Variants in CAST observed in about 807,000 individuals in gnomAD.
CAST encodes calpastatin.
In CAST, 76 loss-of-function variants were observed where a neutral mutation model predicts 119.6. The ratio of observed to expected loss-of-function variants is 0.64; its 90% CI spans 0.53 to 0.77. The LOEUF (loss-of-function observed/expected upper bound fraction) is 0.77. CAST is among the 30% of genes least tolerant of loss of function. The pLI is 0.00. For missense variants in CAST, 953 were observed against 946.5 expected, an observed-to-expected ratio of 1.01 and a Z score of -0.09; for synonymous variants, 319 against 331.6, an observed-to-expected ratio of 0.96 and a Z score of 0.41.
chr5:96,690,318 A>G (rs1190040683), intron 2 of CAST, among the ~76,000 whole-genome samples: 2 of 151,874 alleles, frequency 1.3e-5, no homozygotes, highest in Non-Finnish European at 2.9e-5. Flanking sequence ...TGCAACCTCC[A>G]TCTCCCAGGT....
the CAST span, among the ~76,000 whole-genome samples, chr5:96,257,945 A>G: frequency 1.3e-5 from 2 of 152,222 alleles, no homozygotes; most frequent in African/African-American, 4.8e-5. Context: ...ATGCAAAGGA[A>G]GTGGTTAACA....
chr5:96,186,487 T>C, the CAST span, among the ~76,000 whole-genome samples: 1 of 152,218 alleles, frequency 6.6e-6, no homozygotes, highest in South Asian at 2.1e-4. Context: ...TGTGGGTTTG[T>C]CGTATATGAC....
At chr5:96,082,667 A>G in the CAST span, among the ~76,000 whole-genome samples, 4 of 152,172 alleles carry the variant, frequency 2.6e-5, no homozygotes, top group Non-Finnish European at 5.9e-5. Flanking sequence ...ATTTTTTTTA[A>G]AGTACCTAGT....
the CAST span, among the ~76,000 whole-genome samples, chr5:96,054,846 A>G: frequency 6.6e-6 from 1 of 152,164 alleles, no homozygotes; most frequent in Admixed American, 6.5e-5. Flanking sequence ...CTGGAGGTAG[A>G]AGGCCTGGTG....
chr5:96,731,449 T>G (rs1284312144), intron 9 of CAST, among the ~76,000 whole-genome samples: 3 of 151,624 alleles, frequency 2.0e-5, no homozygotes, highest in Non-Finnish European at 4.4e-5. Flanking sequence ...ATATAGAATT[T>G]TTTTTTTTAC....
At chr5:96,025,258 G>C in the CAST span, among the ~76,000 whole-genome samples, 5 of 152,018 alleles carry the variant, frequency 3.3e-5, no homozygotes, top group Admixed American at 1.3e-4. Context: ...TCCTATTTCT[G>C]GTTTCTATGA....
chr5:96,408,322 G>T, the CAST span: 2 of 1,612,294 alleles, frequency 1.2e-6, no homozygotes, highest in African/African-American at 2.7e-5. Context: ...GTCAGCGCTC[G>T]TCTGGATGAC....
chr5:95,997,987 T>TG, the CAST span, among the ~76,000 whole-genome samples: 15 of 143,178 alleles, frequency 1.0e-4, no homozygotes, highest in South Asian at 2.2e-4. Flanking sequence ...TTTTTTTTTT[T>TG]CCTTTGCGGG....
At chr5:96,085,129 A>G in the CAST span, among the ~76,000 whole-genome samples, 1 of 152,222 alleles carries the variant, frequency 6.6e-6, no homozygotes, top group Non-Finnish European at 1.5e-5. Context: ...ATTCTAACAC[A>G]GTCTGATTGA....
At chr5:96,760,519 T>C (rs1303964288) in intron 24 of CAST, among the ~76,000 whole-genome samples, 1 of 151,956 alleles carries the variant, frequency 6.6e-6, no homozygotes, top group East Asian at 1.9e-4. Flanking sequence ...TCATTTCTGC[T>C]TATTATCACA....
chr5:96,617,013 G>C (rs1747471439), intron 1 of CAST, among the ~76,000 whole-genome samples: 1 of 152,112 alleles, frequency 6.6e-6, no homozygotes. Flanking sequence ...TTATGGCTCT[G>C]TCTTAATCCG....
Position 96,750,633 on chromosome 5 carries a change from G to A in CAST, c.1475G>A (p.Arg492Gln), listed in dbSNP as rs943932596. 9 of 1,613,102 alleles carry A rather than the reference G, an allele frequency of 5.6e-6. No individual in the cohort carries two copies. The highest frequency in any genetic ancestry group is 2.2e-5 in the East Asian group (1 of 44,872). Residue 492 changes from arginine (R) to glutamine (Q), a missense_variant, in exon 20 of 32, where the codon CGG (arginine) becomes CAG (glutamine). Coordinates refer to ENST00000675179, the MANE Select transcript of CAST (RefSeq NM_001750.7). ...GCTCCTGTGTCGGAGGCTGTGTGTC[G>A]GACCTCCATGTGTAGTATACAGTCA... is the stretch of plus-strand genomic sequence containing the variant. ...APAPVSEAVCRTSMCSIQSAP... is the reference protein window; with the variant it reads ...APAPVSEAVCQTSMCSIQSAP...
chr5:96,357,439 G>C, the CAST span, among the ~76,000 whole-genome samples: 1 of 152,168 alleles, frequency 6.6e-6, no homozygotes, highest in Non-Finnish European at 1.5e-5. Flanking sequence ...TCCAGGTTTT[G>C]CCCATTCAGT....
chr5:96,414,465 A>G, the CAST span, among the ~76,000 whole-genome samples: 2 of 152,242 alleles, frequency 1.3e-5, no homozygotes, highest in African/African-American at 4.8e-5. Context: ...CTACAAATCT[A>G]GCCCCTAAAT....
chr5:96,103,646 T>A, the CAST span, among the ~76,000 whole-genome samples: 1 of 152,102 alleles, frequency 6.6e-6, no homozygotes, highest in South Asian at 2.1e-4. Flanking sequence ...TTGTGAATAA[T>A]GCCACAATAA....
At chr5:96,659,019 T>C (rs1159605345), upstream of CAST, among the ~76,000 whole-genome samples, 4 of 152,238 alleles carry the variant, frequency 2.6e-5, no homozygotes, top group African/African-American at 9.6e-5. Context: ...TATATTTATA[T>C]GCAAATCGAT....
chr5:96,721,775 G>A (rs1340374896), intron 3 of CAST, among the ~76,000 whole-genome samples: 1 of 152,140 alleles, frequency 6.6e-6, no homozygotes, highest in Non-Finnish European at 1.5e-5. Context: ...TACTAGAATA[G>A]TACTCCAAAC....
the CAST span, among the ~76,000 whole-genome samples, chr5:96,360,880 C>G: frequency 6.6e-6 from 1 of 152,230 alleles, no homozygotes; most frequent in Admixed American, 6.5e-5. Context: ...ATCCACTGCT[C>G]TCTTCAGAGT....
At chr5:96,367,288 G>A in the CAST span, among the ~76,000 whole-genome samples, 2 of 152,082 alleles carry the variant, frequency 1.3e-5, no homozygotes, top group African/African-American at 4.8e-5. Context: ...CACTTGAGGG[G>A]GCAGTCTGTC....
Sources: gnomAD v4.1 joint callset for allele counts (sites outside exome capture counted in the v4.1 genomes callset) on GRCh38, gnomAD v4.1.1 for gene constraint, MANE v1.5 for transcripts, NCBI Gene and HGNC (gene_info 2026-07-23, HGNC 2026-07-21) for gene names.